The following TMPRSS15 variants were observed in gnomAD, a reference collection of about 807,000 sequenced individuals.
TMPRSS15 encodes the protein enteropeptidase.
A neutral mutation model predicts 125.3 loss-of-function variants in TMPRSS15; 128 were observed. The observed-to-expected ratio is 1.02, with a 90% CI of 0.89 to 1.18. The LOEUF (loss-of-function observed/expected upper bound fraction) is 1.18, where lower values mean the gene tolerates loss of function less well. Among genes scored for constraint, TMPRSS15 ranks in the 50% most tolerant of loss-of-function variants. The pLI, the probability that TMPRSS15 is intolerant of heterozygous loss-of-function variation, is 0.00. For missense variants in TMPRSS15, 1,283 were observed against 1,212.7 expected (o/e 1.06, Z -0.86); for synonymous variants, 446 against 423.2 (o/e 1.05, Z -0.66).
Position 18,269,783 on chromosome 21 carries a change from T to C in TMPRSS15, c.*186A>G. 1.7e-6 allele frequency: 1 copy of C among 601,940 alleles called. No individual in the cohort carries two copies. Among genetic ancestry groups the C allele is most frequent in the African/African-American group, 1.9e-5 (1 of 53,802 alleles). The allele number at this position is 601,940 out of a possible 1,614,324, so 37.3% of individuals were successfully genotyped here. ...AATGGTATTTTAAAGTTATTCTGTA[T>C]TGCTATGGTGAATTTTATTATTTTT... On this transcript the variant is annotated 3_prime_UTR_variant, in exon 25 of 25. Coordinates refer to ENST00000284885, the MANE Select transcript of TMPRSS15 (RefSeq NM_002772.3).
In TMPRSS15 at chr21:18,365,266, T is replaced by C; in HGVS notation, c.665-18A>G. ...AACTGTGGCTGCAAAACGATGCCAATTAATGTTAGACAAAAACAATCTTGG... is the reference window on the plus strand; with the variant it reads ...AACTGTGGCTGCAAAACGATGCCAACTAATGTTAGACAAAAACAATCTTGG... On this transcript the variant is annotated intron_variant, in intron 6 of 24. Transcript: ENST00000284885. The C allele has an allele frequency of 6.3e-7, 1 of 1,588,820 alleles. No homozygotes were observed. The highest frequency in any genetic ancestry group is 8.6e-7 in the Non-Finnish European group (1 of 1,156,928).
At position 18,271,539 on chromosome 21, in the gene TMPRSS15, C is replaced by G. The variant is rs565919687; in HGVS notation, c.2905-1415G>C. ...GTCTGTTTCCATTACTTCTTGTCAT[C>G]TAACTATAACACATCAGTTTAGTTA... On this transcript the variant is annotated intron_variant, in intron 24 of 24. Coordinates refer to ENST00000284885, the MANE Select transcript of TMPRSS15 (RefSeq NM_002772.3). Among the ~76,000 whole-genome samples the G allele has an allele frequency of 6.6e-5, 10 of 152,252 alleles. No homozygotes were observed. In the South Asian group the frequency reaches 1.9e-3, roughly 28 times the overall value.
At chr21:18,301,701 C>G (rs2074975221) in intron 18 of TMPRSS15, among the ~76,000 whole-genome samples, 2 of 152,144 alleles carry the variant, frequency 1.3e-5, no homozygotes, top group South Asian at 4.1e-4. Flanking sequence ...ATTCACATAG[C>G]TGTTTGAAAT....
intron 1 of TMPRSS15, among the ~76,000 whole-genome samples, chr21:18,468,916 A>C (rs1978721596): frequency 6.6e-6 from 1 of 152,202 alleles, no homozygotes; most frequent in East Asian, 1.9e-4. Flanking sequence ...AAAGCAAAAC[A>C]AAATGTGGAG....
intron 10 of TMPRSS15, among the ~76,000 whole-genome samples, chr21:18,348,783 C>T (rs1416341788): frequency 1.3e-5 from 2 of 152,136 alleles, no homozygotes; most frequent in African/African-American, 4.8e-5. Context: ...TAGAACAGTA[C>T]CACAGCCAAT....
chr21:18,332,043 T>C (rs773765421), intron 14 of TMPRSS15, 41 bp downstream of exon 14: 8 of 1,552,614 alleles, frequency 5.2e-6, no homozygotes, highest in Admixed American at 3.3e-5. Flanking sequence ...ACATTTCATA[T>C]GGACATTTGT....
chr21:18,475,396 A>T (rs1443528288), intron 1 of TMPRSS15, among the ~76,000 whole-genome samples: 1 of 152,194 alleles, frequency 6.6e-6, no homozygotes, highest in Non-Finnish European at 1.5e-5. Flanking sequence ...GTTAGAGACC[A>T]GCCTGGGCAA....
At chr21:18,351,640 C>T (rs1418921070) in intron 10 of TMPRSS15, among the ~76,000 whole-genome samples, 1 of 152,170 alleles carries the variant, frequency 6.6e-6, no homozygotes, top group African/African-American at 2.4e-5. Flanking sequence ...GAGACCTCCC[C>T]AGCCATGCAG....
intron 3 of TMPRSS15, among the ~76,000 whole-genome samples, chr21:18,388,781 T>C (rs1241142482): frequency 6.6e-6 from 1 of 152,148 alleles, no homozygotes; most frequent in Admixed American, 6.6e-5. Context: ...AATAAAACTT[T>C]CCCGTGTAAT....
intron 6 of TMPRSS15, among the ~76,000 whole-genome samples, chr21:18,366,816 T>C (rs914001491): frequency 2.0e-5 from 3 of 152,116 alleles, no homozygotes; most frequent in African/African-American, 7.2e-5. Context: ...TTTGCTGTGT[T>C]TGGAATCTGA....
At chr21:18,338,266 A>G (rs1280712871) in intron 13 of TMPRSS15, among the ~76,000 whole-genome samples, 1 of 152,188 alleles carries the variant, frequency 6.6e-6, no homozygotes, top group African/African-American at 2.4e-5. Flanking sequence ...CTAAGAAACT[A>G]TATTACTTCC....
At chr21:18,325,096 A>G (rs934438917) in intron 16 of TMPRSS15, among the ~76,000 whole-genome samples, 4 of 152,022 alleles carry the variant, frequency 2.6e-5, no homozygotes, top group Non-Finnish European at 5.9e-5. Context: ...ACACACGCTT[A>G]TGTAAATACA....
At chr21:18,471,691 T>C (rs1001723677) in intron 1 of TMPRSS15, among the ~76,000 whole-genome samples, 1 of 152,164 alleles carries the variant, frequency 6.6e-6, no homozygotes, top group Non-Finnish European at 1.5e-5. Context: ...GCCACTCAAA[T>C]GGCAAAATCA....
chr21:18,433,875 G>T (rs2076222225), intron 1 of TMPRSS15, among the ~76,000 whole-genome samples: 1 of 151,938 alleles, frequency 6.6e-6, no homozygotes, highest in African/African-American at 2.4e-5. Context: ...TTGAAAAGTT[G>T]AAAAATATCT....
At chr21:18,484,724 A>G (rs1441227579) in intron 1 of TMPRSS15, among the ~76,000 whole-genome samples, 1 of 151,868 alleles carries the variant, frequency 6.6e-6, no homozygotes, top group Non-Finnish European at 1.5e-5. Context: ...TAAGGTGATT[A>G]TATATGGGTG....
chr21:18,383,656 T>C lies in TMPRSS15; in HGVS notation c.467A>G (p.His156Arg), dbSNP rs2075914326. The change falls in exon 4 of 25, where the codon CAT (histidine) becomes CGT (arginine). Residue 156 changes from histidine to arginine, a missense_variant. By Grantham distance (29) the His-to-Arg change is conservative. Coordinates refer to ENST00000284885, the MANE Select transcript of TMPRSS15 (RefSeq NM_002772.3). ...GATATCAACGCTGTTCAAATCAATATGGAAAGTGACCAGTTGGCTGGATTT... is the reference window on the plus strand; with the variant it reads ...GATATCAACGCTGTTCAAATCAATACGGAAAGTGACCAGTTGGCTGGATTT... ...ANKSSQLVTF[H>R]IDLNSVDILD... The C allele has an allele frequency of 2.5e-6, 4 of 1,613,976 alleles. No individual in the cohort carries two copies. The highest frequency in any genetic ancestry group is 3.4e-6 in the Non-Finnish European group (4 of 1,179,956).
chr21:18,439,421 AAGT>A lies in TMPRSS15; in HGVS notation c.11-41095_11-41093del, dbSNP rs778462128. ...TTAAGCAGTTTTTATTCTTTACTCA[AAGT>A]AGTCTTTTCTAAGTATATAAAGAAG... On this transcript the variant is annotated intron_variant, in intron 1 of 7. Coordinates refer to the TMPRSS15 transcript ENST00000422787. 1.8e-4 allele frequency among the ~76,000 whole-genome samples: 28 copies of A among 152,282 alleles called. 1 individual carries two copies. Among genetic ancestry groups the A allele is most frequent in the South Asian group, 6.2e-4 (3 of 4,818 alleles).
At chr21:18,405,948 A>T (rs1182157011), upstream of TMPRSS15, among the ~76,000 whole-genome samples, 1 of 152,222 alleles carries the variant, frequency 6.6e-6, no homozygotes. Flanking sequence ...TCTAAAAAAT[A>T]AAACCCTAAG....
intron 3 of TMPRSS15, among the ~76,000 whole-genome samples, chr21:18,384,027 C>G (rs2123060230): frequency 1.3e-5 from 2 of 152,276 alleles, no homozygotes; most frequent in South Asian, 4.1e-4. Context: ...TCTGAGTTTT[C>G]TGAGTTCCAC....
Sources: allele counts gnomAD v4.1 joint callset (sites outside exome capture counted in the v4.1 genomes callset), GRCh38; gene constraint gnomAD v4.1.1; transcripts MANE v1.5; gene names NCBI Gene and HGNC (gene_info 2026-07-23, HGNC 2026-07-21).